RIMS1: variants seen among roughly 807,000 people sequenced by gnomAD.
RIMS1 encodes the protein regulating synaptic membrane exocytosis protein 1.
In RIMS1, 83 loss-of-function variants were observed where a neutral mutation model predicts 214.1. The ratio of observed to expected loss-of-function variants is 0.39; its 90% CI spans 0.32 to 0.47. The LOEUF is 0.47. Ranked by LOEUF, RIMS1 falls within the 20% of genes least tolerant of loss-of-function variation. The pLI is 0.99. For missense variants in RIMS1, 2,050 were observed against 2,161.8 expected (o/e 0.95, Z 1.03); for synonymous variants, 793 against 786.8 (o/e 1.01, Z -0.13).
At chr6:72,368,484 A>G (rs2098117325) in intron 29 of RIMS1, among the ~76,000 whole-genome samples, 1 of 151,258 alleles carries the variant, frequency 6.6e-6, no homozygotes, top group African/African-American at 2.4e-5. Context: ...TTAGTAGAGA[A>G]GGGATTTCAC....
At chr6:71,900,040 G>A (rs189367540) in intron 1 of RIMS1, among the ~76,000 whole-genome samples, 3 of 152,142 alleles carry the variant, frequency 2.0e-5, no homozygotes, top group Admixed American at 2.0e-4. Flanking sequence ...AGGCAGCACA[G>A]AACATTGTAT....
intron 2 of RIMS1, among the ~76,000 whole-genome samples, chr6:72,006,666 C>T (rs1240222614): frequency 6.6e-6 from 1 of 152,186 alleles, no homozygotes; most frequent in African/African-American, 2.4e-5. Context: ...AACGGCACAC[C>T]AGGATATTAT....
At chr6:72,221,510 A>G (rs1397525847) in intron 6 of RIMS1, among the ~76,000 whole-genome samples, 2 of 152,058 alleles carry the variant, frequency 1.3e-5, no homozygotes, top group Non-Finnish European at 2.9e-5. Flanking sequence ...TTTGAAAACT[A>G]AGCCATTAGA....
intron 2 of RIMS1, among the ~76,000 whole-genome samples, chr6:72,033,933 G>C (rs1818876055): frequency 6.6e-6 from 1 of 152,112 alleles, no homozygotes; most frequent in Non-Finnish European, 1.5e-5. Flanking sequence ...TAGCCTGTTT[G>C]AATAGTAACT....
rs1180799145 is a variant in RIMS1, at chr6:72,307,249, T to C, written c.3851-9T>C. Reference sequence around the variant, plus strand: ...TGTTTTAATAGGCTTCCATTATGTGTTTTTGCAGCAAGCTTAGTAGTGGAG... The same window carrying C: ...TGTTTTAATAGGCTTCCATTATGTGCTTTTGCAGCAAGCTTAGTAGTGGAG... On this transcript the variant is annotated splice_polypyrimidine_tract_variant and intron_variant, in intron 26 of 33. Transcript: ENST00000521978. 5 of 1,575,500 alleles carry C rather than the reference T, an allele frequency of 3.2e-6. No homozygotes were observed. Among genetic ancestry groups the C allele is most frequent in the Non-Finnish European group, 4.3e-6 (5 of 1,155,428 alleles).
At chr6:71,911,244 C>T (rs527636197) in intron 1 of RIMS1, among the ~76,000 whole-genome samples, 1 of 152,242 alleles carries the variant, frequency 6.6e-6, no homozygotes, top group Non-Finnish European at 1.5e-5. Context: ...TCATTGAACT[C>T]ATTGAATACC....
chr6:72,260,831 T>C, intron 19 of RIMS1, 64 bp downstream of exon 19: 1 of 1,586,372 alleles, frequency 6.3e-7, no homozygotes, highest in South Asian at 1.1e-5. Flanking sequence ...CTATTATTCT[T>C]CCGTCTCTCC....
intron 20 of RIMS1, 58 bp from the exon 21 acceptor site, chr6:72,265,332 T>G: frequency 1.0e-6 from 1 of 976,982 alleles, no homozygotes. Context: ...TTGTTGTACT[T>G]GTTGATTTTA....
At chr6:71,923,229 T>C (rs1294577398) in intron 1 of RIMS1, among the ~76,000 whole-genome samples, 1 of 152,222 alleles carries the variant, frequency 6.6e-6, no homozygotes, top group Non-Finnish European at 1.5e-5. Flanking sequence ...AACTCCTAAT[T>C]AACCTTAATA....
intron 24 of RIMS1, among the ~76,000 whole-genome samples, chr6:72,284,448 T>A (rs1219657842): frequency 6.6e-6 from 1 of 152,192 alleles, no homozygotes; most frequent in African/African-American, 2.4e-5. Context: ...TTTTAAATGT[T>A]ACCAATGAAT....
intron 4 of RIMS1, among the ~76,000 whole-genome samples, chr6:72,100,586 AG>A (rs1235115456): frequency 7.8e-6 from 1 of 128,636 alleles, no homozygotes; most frequent in African/African-American, 2.6e-5. Context: ...CTGGGAAGAT[AG>A]GCTCCAAGTA....
At chr6:72,277,445 G>T (rs9360546) in intron 23 of RIMS1, among the ~76,000 whole-genome samples, 88,766 of 146,722 alleles carry the variant, frequency 0.6, 26,378 homozygotes, top group East Asian at 0.96. Context: ...AGCTGGGCGC[G>T]GTGGCAGGCG....
At chr6:72,010,582 T>C (rs190883826) in intron 2 of RIMS1, among the ~76,000 whole-genome samples, 2 of 152,294 alleles carry the variant, frequency 1.3e-5, no homozygotes, top group Admixed American at 1.3e-4. Flanking sequence ...TAGAAAACCC[T>C]ATTGTTTCAG....
intron 4 of RIMS1, among the ~76,000 whole-genome samples, chr6:72,133,496 G>A (rs1271704284): frequency 3.9e-5 from 6 of 152,160 alleles, no homozygotes; most frequent in African/African-American, 1.4e-4. Flanking sequence ...CAGTGCAGCT[G>A]GCTTGCACAT....
intron 23 of RIMS1, among the ~76,000 whole-genome samples, chr6:72,278,673 G>A (rs1268619994): frequency 1.3e-5 from 2 of 152,050 alleles, no homozygotes; most frequent in South Asian, 2.1e-4. Context: ...TTCTTTGAAT[G>A]AACAAAGTGT....
chr6:71,899,215 A>C (rs1772818440), intron 1 of RIMS1, among the ~76,000 whole-genome samples: 1 of 152,046 alleles, frequency 6.6e-6, no homozygotes, highest in Non-Finnish European at 1.5e-5. Context: ...TGAAAGGTAC[A>C]TTTTTACTAG....
chr6:72,285,463 C>G (rs1380761491), intron 24 of RIMS1, among the ~76,000 whole-genome samples: 1 of 152,112 alleles, frequency 6.6e-6, no homozygotes, highest in East Asian at 1.9e-4. Flanking sequence ...GAGTTGAGAT[C>G]TGAAAAATGA....
At chr6:71,931,920 A>G (rs1783158229) in intron 1 of RIMS1, among the ~76,000 whole-genome samples, 2 of 152,132 alleles carry the variant, frequency 1.3e-5, no homozygotes, top group Non-Finnish European at 2.9e-5. Flanking sequence ...TCAAAACCAC[A>G]GTGAGATACC....
At chr6:72,010,113 A>C (rs1388403452) in intron 2 of RIMS1, among the ~76,000 whole-genome samples, 13 of 152,224 alleles carry the variant, frequency 8.5e-5, no homozygotes, top group Admixed American at 8.5e-4. Flanking sequence ...CCAGCAACAC[A>C]TCAAAAAGCT....
Sources: allele counts gnomAD v4.1 joint callset (sites outside exome capture counted in the v4.1 genomes callset), GRCh38; gene constraint gnomAD v4.1.1; transcripts MANE v1.5; gene names NCBI Gene and HGNC (gene_info 2026-07-23, HGNC 2026-07-21).